The following MECOM variants were observed in gnomAD, a reference collection of about 807,000 sequenced individuals.
The protein encoded by MECOM is MDS1 and EVI1 complex locus.
MECOM carries 13 observed loss-of-function variants against 116.3 expected under a neutral mutation model. The ratio of observed to expected loss-of-function variants is 0.11; its 90% confidence interval spans 0.07 to 0.18. The LOEUF (loss-of-function observed/expected upper bound fraction) is 0.18. MECOM is among the 10% of genes least tolerant of loss of function. The pLI is 1.00. For missense variants in MECOM, 1,299 were observed against 1,509.0 expected, an observed-to-expected ratio of 0.86 and a Z score of 2.31; for synonymous variants, 528 against 535.2, an observed-to-expected ratio of 0.99 and a Z score of 0.19.
chr3:169,312,037 G>A (rs1560117400), intron 2 of MECOM, among the ~76,000 whole-genome samples: 1 of 152,186 alleles, frequency 6.6e-6, no homozygotes, highest in Non-Finnish European at 1.5e-5. Flanking sequence ...CCCAGACCAC[G>A]CGGGGCTTTG....
At chr3:169,198,782 G>T (rs1748775473) in intron 2 of MECOM, among the ~76,000 whole-genome samples, 1 of 152,000 alleles carries the variant, frequency 6.6e-6, no homozygotes, top group East Asian at 1.9e-4. Flanking sequence ...AGTGGAGGAG[G>T]TAGACATTAA....
At chr3:169,362,246 C>T (rs1178257554) in intron 2 of MECOM, among the ~76,000 whole-genome samples, 2 of 151,766 alleles carry the variant, frequency 1.3e-5, no homozygotes, top group African/African-American at 2.4e-5. Flanking sequence ...TAAATTAAAA[C>T]CTCCAAAACC....
chr3:169,179,790 A>G (rs181763362), intron 2 of MECOM, among the ~76,000 whole-genome samples: 18 of 152,280 alleles, frequency 1.2e-4, no homozygotes, highest in Middle Eastern at 3.4e-3. Flanking sequence ...TCAGCTCGTT[A>G]AAAGGACATA....
At position 169,352,325 on chromosome 3, in the gene MECOM, A is replaced by G. The variant is rs1482565928; in HGVS notation, c.375+28862T>C. On this transcript the variant is annotated intron_variant, in intron 2 of 16. Transcript: ENST00000651503. The stretch of plus-strand genomic sequence containing the variant: ...CCGGTCATTTTTAACAATTTTATAA[A>G]AACAATCTCTCACACCAGAAAAGAC... Among the ~76,000 whole-genome samples the G allele has an allele frequency of 2.0e-5, 3 of 151,932 alleles. No homozygotes were observed. The East Asian group carries it at 5.8e-4, about 29-fold the overall frequency.
intron 2 of MECOM, among the ~76,000 whole-genome samples, chr3:169,220,496 A>G (rs1166515056): frequency 1.3e-5 from 2 of 151,758 alleles, no homozygotes; most frequent in East Asian, 3.9e-4. Context: ...ATTTTTTGAG[A>G]TGGAGTCTCC....
At chr3:169,479,851 C>A (rs1223743783) in intron 1 of MECOM, among the ~76,000 whole-genome samples, 1 of 152,158 alleles carries the variant, frequency 6.6e-6, no homozygotes, top group Non-Finnish European at 1.5e-5. Context: ...CTGTCCCAGG[C>A]ACTGTGCCAG....
chr3:169,410,824 G>C (rs1056897997), intron 1 of MECOM, among the ~76,000 whole-genome samples: 2 of 151,770 alleles, frequency 1.3e-5, no homozygotes, highest in African/African-American at 4.8e-5. Flanking sequence ...AGTTATTTCA[G>C]GACAAAATAA....
rs1301516150 is a variant in MECOM at position 169,565,063 on chromosome 3, G to A, written c.37+98273C>T. 7.9e-5 allele frequency among the ~76,000 whole-genome samples: 12 copies of A among 152,128 alleles called. 1 individual carries two copies. ...ATACAATCCTTACAGCCACCCCTGA[G>A]GTACACACAATTGCCCCCAGTGGAC... is the stretch of plus-strand genomic sequence containing the variant. On this transcript the variant is annotated intron_variant, in intron 1 of 16. Transcript: ENST00000651503.
rs1389545571 is a variant in MECOM, at chr3:169,378,563, AAAGAAAGAAAGAAAGAAAGAAAGTAAGT to A, written c.375+2596_375+2623del. Among the ~76,000 whole-genome samples the A allele has an allele frequency of 1.5e-3, 210 of 138,480 alleles. 17 individuals are homozygous for A. The highest frequency in any genetic ancestry group is 2.5e-3 in the Admixed American group (36 of 14,158). 90.8% of individuals were successfully genotyped at this position (138,480 alleles called of 152,430 possible). A position where few individuals can be genotyped will look rare whatever the true frequency, so the allele number is the denominator to read the frequency against. On this transcript the variant is annotated intron_variant, in intron 2 of 16. Transcript: ENST00000651503. ...GAAAGAAAGAAAGAAAGAAAGAAAG[AAAGAAAGAAAGAAAGAAAGAAAGTAAGT>A]AAGTAAGTTTGGGGACTTAATACAA...
intron 1 of MECOM, among the ~76,000 whole-genome samples, chr3:169,488,486 C>A (rs935145074): frequency 2.0e-5 from 3 of 151,840 alleles, no homozygotes; most frequent in Non-Finnish European, 2.9e-5. Context: ...GCAAAGGTTG[C>A]TGTGAACCGA....
chr3:169,610,227 T>C (rs1769081034), intron 1 of MECOM, among the ~76,000 whole-genome samples: 1 of 152,178 alleles, frequency 6.6e-6, no homozygotes, highest in Non-Finnish European at 1.5e-5. Context: ...CATATATATG[T>C]ATAAAAGTGG....
intron 2 of MECOM, among the ~76,000 whole-genome samples, chr3:169,336,417 T>C (rs908411833): frequency 6.6e-6 from 1 of 152,008 alleles, no homozygotes; most frequent in Non-Finnish European, 1.5e-5. Context: ...TTGTAAAGCA[T>C]TGCAATGAAA....
chr3:169,639,555 A>AT (rs1231812832), intron 1 of MECOM, among the ~76,000 whole-genome samples: 12 of 152,178 alleles, frequency 7.9e-5, no homozygotes, highest in African/African-American at 2.9e-4. Context: ...AATCTATTAG[A>AT]TTTTTCTGTT....
intron 2 of MECOM, among the ~76,000 whole-genome samples, chr3:169,361,712 G>C (rs1321987511): frequency 6.6e-6 from 1 of 151,812 alleles, no homozygotes; most frequent in Non-Finnish European, 1.5e-5. Context: ...TTTGAACACA[G>C]TCCATGAATC....
At chr3:169,488,039 T>G (rs907889877) in intron 1 of MECOM, among the ~76,000 whole-genome samples, 11 of 152,226 alleles carry the variant, frequency 7.2e-5, no homozygotes, top group African/African-American at 2.6e-4. Flanking sequence ...AATTTATAGT[T>G]TAACTTCCAA....
chr3:169,413,788 C>T (rs1375663243), intron 1 of MECOM, among the ~76,000 whole-genome samples: 2 of 152,154 alleles, frequency 1.3e-5, no homozygotes, highest in Non-Finnish European at 2.9e-5. Context: ...CGATTGGGCA[C>T]AGCCCACCTC....
chr3:169,537,767 C>T (rs1053715645), intron 1 of MECOM, among the ~76,000 whole-genome samples: 19 of 151,172 alleles, frequency 1.3e-4, no homozygotes, highest in African/African-American at 4.4e-4. Flanking sequence ...ATCACAAATG[C>T]CTTTTTCTTT....
chr3:169,453,386 G>A (rs1006127806), intron 1 of MECOM, among the ~76,000 whole-genome samples: 2 of 152,186 alleles, frequency 1.3e-5, no homozygotes, highest in Non-Finnish European at 2.9e-5. Context: ...CTGGAGAAGA[G>A]CCCCAGAGGG....
intron 2 of MECOM, among the ~76,000 whole-genome samples, chr3:169,148,780 A>G (rs145231822): frequency 6.4e-4 from 98 of 152,296 alleles, no homozygotes; most frequent in Non-Finnish European, 1.3e-3. Context: ...ATATTGATTT[A>G]AAAACAAAAA....
Sources: gnomAD v4.1 joint callset for allele counts (sites outside exome capture counted in the v4.1 genomes callset) on GRCh38, gnomAD v4.1.1 for gene constraint, MANE v1.5 for transcripts, NCBI Gene and HGNC (gene_info 2026-07-23, HGNC 2026-07-21) for gene names.